PCDHGA2: variants seen among roughly 807,000 people sequenced by gnomAD.
The protein encoded by PCDHGA2 is protocadherin gamma-A2.
PCDHGA2 carries 40 observed loss-of-function variants against 59.2 expected under a neutral mutation model. The ratio of observed to expected loss-of-function variants is 0.68; its 90% confidence interval spans 0.52 to 0.88. The LOEUF (loss-of-function observed/expected upper bound fraction) is 0.88, where lower values mean the gene tolerates loss of function less well. PCDHGA2 is among the 40% of genes least tolerant of loss of function. The pLI is 0.00. For synonymous variants in PCDHGA2, 560 were observed against 526.0 expected (o/e 1.06, Z -0.89); for missense variants, 1,226 against 1,204.0 (o/e 1.02, Z -0.27).
chr5:141,408,871 T>C, intron 1 of PCDHGA2: 2 of 1,612,784 alleles, frequency 1.2e-6, no homozygotes, highest in Non-Finnish European at 1.7e-6. Flanking sequence ...CACCAAGAAG[T>C]GCCACCGCTC....
At chr5:141,399,942 G>A (rs780939486) in intron 1 of PCDHGA2, 12 of 1,612,140 alleles carry the variant, frequency 7.4e-6, no homozygotes, top group Middle Eastern at 1.9e-4. Context: ...ACCACGTGCT[G>A]CAGGCTAGCG....
intron 1 of PCDHGA2, chr5:141,378,737 T>C (rs982541693): frequency 3.3e-5 from 5 of 152,152 alleles, no homozygotes; most frequent in African/African-American, 1.2e-4. Flanking sequence ...TATTGAAATA[T>C]TTCAAGAAAA....
At chr5:141,363,766 C>T (rs532729519) in intron 1 of PCDHGA2, among the ~76,000 whole-genome samples, 1 of 152,236 alleles carries the variant, frequency 6.6e-6, no homozygotes, top group South Asian at 2.1e-4. Context: ...TGCAAATAAG[C>T]ACGTTTTCCT....
intron 1 of PCDHGA2, among the ~76,000 whole-genome samples, chr5:141,401,612 C>A (rs1190962219): frequency 6.6e-6 from 1 of 152,146 alleles, no homozygotes; most frequent in Non-Finnish European, 1.5e-5. Context: ...AAAAAGACAC[C>A]GGATTTGTCT....
At chr5:141,414,834 C>T in intron 1 of PCDHGA2, 1 of 1,614,252 alleles carries the variant, frequency 6.2e-7, no homozygotes, top group South Asian at 1.1e-5. Context: ...TGTCGTTGAG[C>T]CTGTTTGTGC....
chr5:141,419,069 C>G, intron 1 of PCDHGA2: 1 of 1,613,912 alleles, frequency 6.2e-7, no homozygotes, highest in Admixed American at 1.7e-5. Context: ...TTACTACAAG[C>G]TAGTAACAGA....
At chr5:141,501,330 CACA>C (rs1301023208) in intron 2 of PCDHGA2, among the ~76,000 whole-genome samples, 82 of 151,502 alleles carry the variant, frequency 5.4e-4, no homozygotes, top group Admixed American at 2.2e-3. Flanking sequence ...CACACACACA[CACA>C]CCCCAAACTC....
At chr5:141,390,362 G>GA (rs1411664231) in intron 1 of PCDHGA2, 10 of 1,532,890 alleles carry the variant, frequency 6.5e-6, no homozygotes, top group Middle Eastern at 3.5e-4. Context: ...ATATTTGCAG[G>GA]AAAATATATA....
chr5:141,352,525 T>C (rs1759037139), intron 1 of PCDHGA2: 2 of 1,614,020 alleles, frequency 1.2e-6, no homozygotes, highest in Non-Finnish European at 1.7e-6. Flanking sequence ...TTGCCTCTCA[T>C]TCTGCAAAGA....
chr5:141,458,549 T>A (rs2098948402), intron 1 of PCDHGA2, among the ~76,000 whole-genome samples: 1 of 148,072 alleles, frequency 6.8e-6, no homozygotes, highest in African/African-American at 2.6e-5. Flanking sequence ...ATTTTGTTTG[T>A]TTGTTTTGGT....
At chr5:141,380,721 T>C (rs1228432392) in intron 1 of PCDHGA2, among the ~76,000 whole-genome samples, 3 of 152,238 alleles carry the variant, frequency 2.0e-5, no homozygotes, top group Non-Finnish European at 4.4e-5. Flanking sequence ...TAACTAGCTC[T>C]TATTTCCTTT....
At chr5:141,389,349 A>G in intron 1 of PCDHGA2, 1 of 1,613,980 alleles carries the variant, frequency 6.2e-7, no homozygotes, top group South Asian at 1.1e-5. Context: ...CTCTTACTGC[A>G]TCATGGCCAG....
chr5:141,455,833 G>A (rs999291826), intron 1 of PCDHGA2, among the ~76,000 whole-genome samples: 1 of 151,468 alleles, frequency 6.6e-6, no homozygotes, highest in Admixed American at 6.6e-5. Flanking sequence ...CCCTTTTCCT[G>A]TCTATCTGCA....
intron 1 of PCDHGA2, chr5:141,374,870 G>T: frequency 6.2e-7 from 1 of 1,613,702 alleles, no homozygotes; most frequent in Non-Finnish European, 8.5e-7. Context: ...ACCAGTGTTG[G>T]CAGTGACTGC....
chr5:141,477,379 A>C lies in PCDHGA2; in HGVS notation c.2425-17428A>C, dbSNP rs1293075706. The stretch of plus-strand genomic sequence containing the variant: ...CAGACCTGGATCGGGAGACTGTGCC[A>C]GAATACAACCTCAGCATCACCGCCC... On this transcript the variant is annotated intron_variant, in intron 1 of 3. Transcript: ENST00000394576. This position sits in a 1 kb window ranked among gnomAD's most constrained non-coding sequence, Gnocchi z 4.9. 2 of 1,614,184 alleles carry C rather than the reference A, an allele frequency of 1.2e-6. No homozygotes were observed. Among genetic ancestry groups the C allele is most frequent in the Non-Finnish European group, 1.7e-6 (2 of 1,180,034 alleles).
chr5:141,388,289 A>T (rs1463991755), intron 1 of PCDHGA2: 14 of 1,613,522 alleles, frequency 8.7e-6, no homozygotes, highest in Non-Finnish European at 1.2e-5. Flanking sequence ...AATTCACGCA[A>T]AATTCCTTTG....
chr5:141,457,118 A>G (rs1427146922), intron 1 of PCDHGA2, among the ~76,000 whole-genome samples: 3 of 152,228 alleles, frequency 2.0e-5, no homozygotes, highest in Non-Finnish European at 4.4e-5. Context: ...TACGACAGCA[A>G]TGGAAACTCT....
At position 141,485,044 on chromosome 5, in the gene PCDHGA2, G is replaced by A; in HGVS notation, c.2425-9763G>A. 2 of 737,674 alleles carry A rather than the reference G, an allele frequency of 2.7e-6. No individual in the cohort carries two copies. The highest frequency in any genetic ancestry group is 1.8e-5 in the African/African-American group (1 of 56,792). The allele number at this position is 737,674 out of a possible 1,614,324, so 45.7% of individuals were successfully genotyped here. A position where few individuals can be genotyped will look rare whatever the true frequency, so the allele number is the denominator to read the frequency against. ...GCAAAAACGGCGCGTAACCCTTGCG[G>A]CGCCGGCCGAACCGCGCCAGAGCTG... On this transcript the variant is annotated intron_variant, in intron 1 of 3. Coordinates refer to ENST00000394576, the MANE Select transcript of PCDHGA2 (RefSeq NM_018915.4). This position sits in a 1 kb window ranked among gnomAD's most constrained non-coding sequence, Gnocchi z 5.7.
intron 1 of PCDHGA2, chr5:141,413,431 G>T (rs963192857): frequency 1.9e-6 from 3 of 1,614,092 alleles, no homozygotes; most frequent in Non-Finnish European, 2.5e-6. Context: ...CCCGCGCAGC[G>T]GCAGCTTGAT....
Sources: gnomAD v4.1 joint callset for allele counts (sites outside exome capture counted in the v4.1 genomes callset) on GRCh38, gnomAD v4.1.1 for gene constraint, Gnocchi (gnomAD v3.1) non-coding constraint, MANE v1.5 for transcripts, NCBI Gene and HGNC (gene_info 2026-07-23, HGNC 2026-07-21) for gene names.